LRRK2: variants seen among roughly 807,000 people sequenced by gnomAD.
The protein encoded by LRRK2 is leucine-rich repeat serine/threonine-protein kinase 2.
Under a neutral mutation model 302.6 loss-of-function variants are expected in LRRK2, and 203 were observed. That is an observed-to-expected ratio of 0.67 (90% CI 0.60 to 0.75). The LOEUF (loss-of-function observed/expected upper bound fraction) is 0.75. Ranked by LOEUF, LRRK2 falls within the 30% of genes least tolerant of loss-of-function variation. The pLI is 0.00. For synonymous variants in LRRK2, 1,066 were observed against 1,031.9 expected, an observed-to-expected ratio of 1.03 and a Z score of -0.63; for missense variants, 2,830 against 2,951.0, an observed-to-expected ratio of 0.96 and a Z score of 0.95.
At chr12:40,281,080 AAC>A (rs1491521247) in intron 18 of LRRK2, among the ~76,000 whole-genome samples, 1 of 151,592 alleles carries the variant, frequency 6.6e-6, no homozygotes, top group African/African-American at 2.4e-5. Flanking sequence ...AAAAAAAAAA[AAC>A]AAAAAACGAA....
chr12:40,296,400 G>A (rs181177463), intron 23 of LRRK2, among the ~76,000 whole-genome samples: 59 of 152,268 alleles, frequency 3.9e-4, no homozygotes, highest in African/African-American at 1.3e-3. Context: ...GGGAGGCTGA[G>A]GCGGGTGGAT....
intron 37 of LRRK2, 101 bp from the exon 38 acceptor site, chr12:40,323,059 A>G: frequency 1.0e-6 from 1 of 993,068 alleles, no homozygotes. Flanking sequence ...AGGGATTAGA[A>G]ATTATAGAAA....
At chr12:40,245,889 T>C (rs936439511) in intron 7 of LRRK2, among the ~76,000 whole-genome samples, 3 of 152,062 alleles carry the variant, frequency 2.0e-5, no homozygotes, top group African/African-American at 7.2e-5. Flanking sequence ...ATTATATAAT[T>C]TGTAAATAAT....
At chr12:40,258,461 A>G (rs1209809544) in intron 12 of LRRK2, among the ~76,000 whole-genome samples, 1 of 152,142 alleles carries the variant, frequency 6.6e-6, no homozygotes, top group African/African-American at 2.4e-5. Flanking sequence ...CAAATGAGGC[A>G]AAAACACAGC....
chr12:40,344,096 G>C (rs1438118936), intron 41 of LRRK2, among the ~76,000 whole-genome samples: 1 of 151,840 alleles, frequency 6.6e-6, no homozygotes, highest in African/African-American at 2.4e-5. Flanking sequence ...GACTCATTGT[G>C]AAAAAAAATC....
At chr12:40,297,709 A>G (rs557288877) in intron 23 of LRRK2, among the ~76,000 whole-genome samples, 1 of 152,280 alleles carries the variant, frequency 6.6e-6, no homozygotes, top group South Asian at 2.1e-4. Context: ...GGGGTTTGCT[A>G]TTATCATTAT....
chr12:40,323,591 A>G (rs978669739), intron 38 of LRRK2, among the ~76,000 whole-genome samples: 13 of 152,086 alleles, frequency 8.5e-5, no homozygotes, highest in Non-Finnish European at 2.9e-5. Flanking sequence ...TGCCAGGGAT[A>G]TGGGAGGCAA....
intron 28 of LRRK2, among the ~76,000 whole-genome samples, chr12:40,307,781 CTTTT>C (rs201473630): frequency 8.4e-6 from 1 of 119,410 alleles, no homozygotes; most frequent in Non-Finnish European, 1.7e-5. Context: ...CTTTTCTTTT[CTTTT>C]TTTTTTTTTT....
rs778288325 is a variant in LRRK2 at position 40,328,339 on chromosome 12, T to G, written c.5657-21T>G. The G allele has an allele frequency of 7.5e-6, 12 of 1,598,830 alleles. No homozygotes were observed. The African/African-American group carries it at 1.3e-4, about 18-fold the overall frequency. On this transcript the variant is annotated intron_variant, in intron 38 of 50. Transcript: ENST00000298910. Reference sequence around the variant, plus strand: ...CGCTTGGACAGCTTAATTTAAGTGCTTTGTATTTTCTTTTCAAAAGGTGAT... The same window carrying G: ...CGCTTGGACAGCTTAATTTAAGTGCGTTGTATTTTCTTTTCAAAAGGTGAT...
intron 12 of LRRK2, among the ~76,000 whole-genome samples, chr12:40,257,884 G>C (rs1404470964): frequency 6.6e-6 from 1 of 151,268 alleles, no homozygotes; most frequent in Admixed American, 6.6e-5. Context: ...GCACAACAGA[G>C]ACCATATCCT....
chr12:40,259,403 G>T, intron 12 of LRRK2, 77 bp from the exon 13 acceptor site: 1 of 1,574,732 alleles, frequency 6.4e-7, no homozygotes, highest in Non-Finnish European at 8.7e-7. Flanking sequence ...CTGCCCTCCT[G>T]TACTTATTTC....
At chr12:40,353,332 C>T (rs1019844484) in intron 44 of LRRK2, among the ~76,000 whole-genome samples, 4 of 149,156 alleles carry the variant, frequency 2.7e-5, no homozygotes, top group African/African-American at 9.9e-5. Context: ...AGATGCTCCT[C>T]ACCTCCCAGA....
chr12:40,248,280 G>A (rs1248957933), intron 7 of LRRK2, among the ~76,000 whole-genome samples: 1 of 152,050 alleles, frequency 6.6e-6, no homozygotes, highest in Non-Finnish European at 1.5e-5. Flanking sequence ...AAGAAGAAGT[G>A]GTTTTGTTTT....
chr12:40,358,351 C>A (rs1337709602), intron 46 of LRRK2, among the ~76,000 whole-genome samples: 1 of 152,090 alleles, frequency 6.6e-6, no homozygotes, highest in Non-Finnish European at 1.5e-5. Context: ...TTAATAGTTT[C>A]ATAGCTTCTG....
At chr12:40,297,624 G>T (rs1289573580) in intron 23 of LRRK2, among the ~76,000 whole-genome samples, 1 of 152,048 alleles carries the variant, frequency 6.6e-6, no homozygotes, top group Non-Finnish European at 1.5e-5. Flanking sequence ...ATAGAGAAGT[G>T]ATTGATTTTG....
chr12:40,353,511 G>A (rs1946433109), intron 44 of LRRK2, among the ~76,000 whole-genome samples: 1 of 59,520 alleles, frequency 1.7e-5, no homozygotes, highest in Non-Finnish European at 5.4e-5. Flanking sequence ...GGGCAGCCGG[G>A]CAGAGGGGGC....
At chr12:40,233,684 T>C (rs2136401629) in intron 3 of LRRK2, among the ~76,000 whole-genome samples, 1 of 152,318 alleles carries the variant, frequency 6.6e-6, no homozygotes, top group Middle Eastern at 3.4e-3. Context: ...TTGGTTTGGG[T>C]GATAATTTCC....
intron 25 of LRRK2, among the ~76,000 whole-genome samples, chr12:40,300,022 C>G (rs113275382): frequency 0.015 from 2,310 of 152,202 alleles, 27 homozygotes; most frequent in Non-Finnish European, 0.023. Context: ...TAGTCTTAAA[C>G]TAAACATGCA....
At chr12:40,366,909 G>T in intron 49 of LRRK2, 97 bp from the exon 50 acceptor site, 1 of 815,944 alleles carries the variant, frequency 1.2e-6, no homozygotes, top group Non-Finnish European at 2.1e-6. Context: ...CAGTTCCAAG[G>T]TATTTGTGTC....
Sources: allele counts gnomAD v4.1 joint callset (sites outside exome capture counted in the v4.1 genomes callset), GRCh38; gene constraint gnomAD v4.1.1; transcripts MANE v1.5; gene names NCBI Gene and HGNC (gene_info 2026-07-23, HGNC 2026-07-21).